Variants in MRPL10 observed in about 807,000 individuals in gnomAD.
MRPL10 encodes mitochondrial ribosomal protein L10, also known as large ribosomal subunit protein uL10m.
MRPL10 carries 14 observed loss-of-function variants against 19.8 expected under a neutral mutation model. The observed-to-expected ratio is 0.71, with a 90% CI of 0.47 to 1.11. The LOEUF is 1.11. MRPL10 is among the 50% of genes least tolerant of loss of function. The pLI is 0.00. For missense variants in MRPL10, 318 were observed against 339.6 expected, an observed-to-expected ratio of 0.94 and a Z score of 0.50; for synonymous variants, 129 against 139.2, an observed-to-expected ratio of 0.93 and a Z score of 0.52.
chr17:47,827,338 T>C, intron 2 of MRPL10, 134 bp from the exon 3 acceptor site: 1 of 677,588 alleles, frequency 1.5e-6, no homozygotes, highest in Non-Finnish European at 2.4e-6. Context: ...GTAGGATAAC[T>C]GGGCCTCTGA....
chr17:47,826,977 G>A, intron 3 of MRPL10, 63 bp downstream of exon 3: 6 of 1,542,616 alleles, frequency 3.9e-6, no homozygotes, highest in Non-Finnish European at 5.3e-6. Context: ...CAGATGGTGA[G>A]GTCTGAGTCT....
At chr17:47,824,909 G>C (rs1244605768) in intron 4 of MRPL10, among the ~76,000 whole-genome samples, 1 of 151,166 alleles carries the variant, frequency 6.6e-6, no homozygotes, top group Admixed American at 6.6e-5. Flanking sequence ...AGCCACTCGG[G>C]AGGCTGAGGC....
chr17:47,826,450 C>T (rs2033534074), intron 4 of MRPL10, among the ~76,000 whole-genome samples, 187 bp downstream of exon 4: 1 of 152,130 alleles, frequency 6.6e-6, no homozygotes, highest in Non-Finnish European at 1.5e-5. Context: ...CAGAAGTGAC[C>T]TGGGGTAGTG....
rs1355456792 is a variant in MRPL10 at position 47,826,799 on chromosome 17, A to G, written c.388-18T>C. Reference sequence around the variant, plus strand: ...TTCAGGACCTGGGAACAGCAGGGAAAAATGGCTTATCGGGGACAAGTGGGA... The same window carrying G: ...TTCAGGACCTGGGAACAGCAGGGAAGAATGGCTTATCGGGGACAAGTGGGA... On this transcript the variant is annotated intron_variant, in intron 3 of 4. Coordinates refer to ENST00000351111, the MANE Select transcript of MRPL10 (RefSeq NM_145255.4). The G allele has an allele frequency of 6.2e-7, 1 of 1,614,064 alleles. No homozygotes were observed. Among genetic ancestry groups the G allele is most frequent in the Non-Finnish European group, 8.5e-7 (1 of 1,179,958 alleles).
At chr17:47,826,449 C>G (rs1368446077) in intron 4 of MRPL10, among the ~76,000 whole-genome samples, 188 bp downstream of exon 4, 1 of 152,204 alleles carries the variant, frequency 6.6e-6, no homozygotes, top group Non-Finnish European at 1.5e-5. Context: ...GCAGAAGTGA[C>G]CTGGGGTAGT....
chr17:47,824,142 T>C lies in MRPL10; in HGVS notation c.*63A>G, dbSNP rs939682928. On this transcript the variant is annotated 3_prime_UTR_variant, in exon 5 of 5. Coordinates refer to ENST00000351111, the MANE Select transcript of MRPL10 (RefSeq NM_145255.4). ...ACCCCAAGTTCTTCCACATGTCCCATTGAGGAGAGCACAGCCAATAACGCA... is the reference window on the plus strand; with the variant it reads ...ACCCCAAGTTCTTCCACATGTCCCACTGAGGAGAGCACAGCCAATAACGCA... 39 of 1,604,258 alleles carry C rather than the reference T, an allele frequency of 2.4e-5. No individual in the cohort carries two copies. Among genetic ancestry groups the C allele is most frequent in the African/African-American group, 1.6e-4 (12 of 74,718 alleles).
chr17:47,829,452 A>T (rs1221655990), intron 1 of MRPL10: 1 of 152,302 alleles, frequency 6.6e-6, no homozygotes, highest in African/African-American at 2.4e-5. Context: ...TTAAAGAGAC[A>T]GCAGAAACTA....
chr17:47,826,499 A>G lies in MRPL10; in HGVS notation c.532+138T>C, dbSNP rs1050473778. 5 of 1,071,664 alleles carry G rather than the reference A, an allele frequency of 4.7e-6. No homozygotes were observed. In the African/African-American group the frequency reaches 6.3e-5, roughly 14 times the overall value. 66.4% of individuals were successfully genotyped at this position (1,071,664 alleles called of 1,614,324 possible). On this transcript the variant is annotated intron_variant, in intron 4 of 4. Coordinates refer to ENST00000351111, the MANE Select transcript of MRPL10 (RefSeq NM_145255.4). ...GTGGGAGTGACAGTCGGCCCTCAAT[A>G]AATGTGCTGTTTACTCAGGCTCCAT...
chr17:47,827,166 T>C lies in MRPL10; in HGVS notation c.261A>G (p.Ala87=). The change falls in exon 3 of 5, where the codon GCA becomes GCG. Residue 87 remains alanine (A), a synonymous_variant. Transcript: ENST00000351111. ...GLIRLLRREI[A]AVFQDNRMIA... Reference sequence around the variant, plus strand: ...TCATTCGGTTGTCCTGGAAAACTGCTGCTATCTCCCGGCGGAGAAGCCTGA... The same window carrying C: ...TCATTCGGTTGTCCTGGAAAACTGCCGCTATCTCCCGGCGGAGAAGCCTGA... 6.2e-7 allele frequency: 1 copy of C among 1,613,952 alleles called. No homozygotes were observed. The highest frequency in any genetic ancestry group is 8.5e-7 in the Non-Finnish European group (1 of 1,179,886).
chr17:47,827,699 C>G (rs553762661), intron 2 of MRPL10, among the ~76,000 whole-genome samples: 1 of 151,052 alleles, frequency 6.6e-6, no homozygotes, highest in South Asian at 2.1e-4. Context: ...GAGTTCGAGA[C>G]CAGCCTGACC....
At position 47,824,338 on chromosome 17, in the gene MRPL10, G is replaced by T. The variant is rs759163693; in HGVS notation, c.653C>A (p.Thr218Asn). 2.5e-6 allele frequency: 4 copies of T among 1,613,954 alleles called. No individual in the cohort carries two copies. Among genetic ancestry groups the T allele is most frequent in the Non-Finnish European group, 3.4e-6 (4 of 1,179,904 alleles). The change falls in exon 5 of 5, where the codon ACC (threonine) becomes AAC (asparagine). Residue 218 changes from threonine (T) to asparagine (N), a missense_variant. Coordinates refer to ENST00000351111, the MANE Select transcript of MRPL10 (RefSeq NM_145255.4). ...GGGCTGGTGCTGGAGCAGGGAGTGGGTCTGGGCTGTGAGGCAGGTGAGGCC... is the reference window on the plus strand; with the variant it reads ...GGGCTGGTGCTGGAGCAGGGAGTGGTTCTGGGCTGTGAGGCAGGTGAGGCC... The part of the protein sequence containing the change: ...VGGLTCLTAQ[T>N]HSLLQHQPLQ...
In MRPL10 at chr17:47,827,210, G is replaced by C; in HGVS notation, c.223-6C>G. On this transcript the variant is annotated splice_region_variant and splice_polypyrimidine_tract_variant and intron_variant, in intron 2 of 4. Coordinates refer to ENST00000351111, the MANE Select transcript of MRPL10 (RefSeq NM_145255.4). ...AGCCTGATGAGGCCTATCTCCTGAAGTTGGAAAGCAATGACCAAGGGTACA... is the reference window on the plus strand; with the variant it reads ...AGCCTGATGAGGCCTATCTCCTGAACTTGGAAAGCAATGACCAAGGGTACA... 2 of 1,599,822 alleles carry C rather than the reference G, an allele frequency of 1.3e-6. No homozygotes were observed. Among genetic ancestry groups the C allele is most frequent in the Non-Finnish European group, 1.7e-6 (2 of 1,173,752 alleles).
intron 4 of MRPL10, among the ~76,000 whole-genome samples, chr17:47,825,593 C>T (rs990818001): frequency 2.0e-5 from 3 of 152,146 alleles, no homozygotes; most frequent in Admixed American, 1.3e-4. Context: ...CCACTGCACT[C>T]CAGCCTGGGC....
chr17:47,830,174 T>TA (rs1014191863), intron 1 of MRPL10, among the ~76,000 whole-genome samples: 1 of 152,210 alleles, frequency 6.6e-6, no homozygotes, highest in Non-Finnish European at 1.5e-5. Context: ...AAAAAAATGT[T>TA]ACACCATTCT....
chr17:47,824,122 A>G lies in MRPL10; in HGVS notation c.*83T>C, dbSNP rs528067860. The G allele has an allele frequency of 2.5e-6, 4 of 1,585,670 alleles. No homozygotes were observed. The highest frequency in any genetic ancestry group is 3.4e-6 in the Non-Finnish European group (4 of 1,160,392). On this transcript the variant is annotated 3_prime_UTR_variant, in exon 5 of 5. Transcript: ENST00000351111. The stretch of plus-strand genomic sequence containing the variant: ...AGTGACAAACACACTCCCCGACCCC[A>G]AGTTCTTCCACATGTCCCATTGAGG...
chr17:47,827,251 C>T (rs1436301073), intron 2 of MRPL10, 47 bp from the exon 3 acceptor site: 1 of 1,544,188 alleles, frequency 6.5e-7, no homozygotes, highest in Admixed American at 1.9e-5. Flanking sequence ...TGCCACTTCT[C>T]CTGGCAACGT....
intron 4 of MRPL10, among the ~76,000 whole-genome samples, chr17:47,825,811 T>C (rs1409494550): frequency 6.6e-6 from 1 of 152,074 alleles, no homozygotes; most frequent in African/African-American, 2.4e-5. Flanking sequence ...AATTAAAAAA[T>C]TGAATAAATA....
At chr17:47,824,506 C>T (rs2033498775) in intron 4 of MRPL10, 48 bp from the exon 5 acceptor site, 1 of 1,501,748 alleles carries the variant, frequency 6.7e-7, no homozygotes, top group African/African-American at 1.4e-5. Flanking sequence ...TGCCTTTCTT[C>T]TCTGAAAACA....
intron 1 of MRPL10, among the ~76,000 whole-genome samples, chr17:47,830,795 C>T (rs947999811): frequency 6.6e-6 from 1 of 152,146 alleles, no homozygotes. Flanking sequence ...CGTGAGCCAC[C>T]GCGCCCAGCC....
Sources: allele counts gnomAD v4.1 joint callset (sites outside exome capture counted in the v4.1 genomes callset), GRCh38; gene constraint gnomAD v4.1.1; transcripts MANE v1.5; gene names NCBI Gene and HGNC (gene_info 2026-07-23, HGNC 2026-07-21).